The following RILPL1 variants were observed in gnomAD, a reference collection of about 807,000 sequenced individuals.
RILPL1 encodes Rab interacting lysosomal protein like 1.
Under a neutral mutation model 50.3 loss-of-function variants are expected in RILPL1, and 33 were observed. The observed-to-expected ratio is 0.66, with a 90% CI of 0.50 to 0.88. The LOEUF is 0.88. RILPL1 is among the 40% of genes least tolerant of loss of function. RILPL1 has a pLI of 0.00. For missense variants in RILPL1, 418 were observed against 542.5 expected (o/e 0.77, Z 2.28); for synonymous variants, 205 against 228.6 (o/e 0.90, Z 0.93).
intron 6 of RILPL1, among the ~76,000 whole-genome samples, chr12:123,477,392 G>A (rs1398216451): frequency 7.3e-6 from 1 of 137,112 alleles, no homozygotes; most frequent in Admixed American, 8.0e-5. Context: ...AGGCTGCAGT[G>A]TAGTGGCACA....
chr12:123,472,407 CTGTT>C lies in RILPL1; in HGVS notation c.*127_*130del. The C allele has an allele frequency of 2.2e-6, 2 of 914,504 alleles. No homozygotes were observed. The highest frequency in any genetic ancestry group is 1.6e-6 in the Non-Finnish European group (1 of 614,300). The allele number at this position is 914,504 out of a possible 1,614,324, so 56.6% of individuals were successfully genotyped here. Reference sequence around the variant, plus strand: ...AATGTCCATCCTCAAATCAGACAGTCTGTTTGAGGGGTCAGTTTTCAGGGTGCAT... The same window carrying C: ...AATGTCCATCCTCAAATCAGACAGTCTGAGGGGTCAGTTTTCAGGGTGCAT... On this transcript the variant is annotated 3_prime_UTR_variant, in exon 7 of 7. Transcript: ENST00000376874.
chr12:123,514,361 C>T (rs1430089295), intron 2 of RILPL1: 1 of 152,006 alleles, frequency 6.6e-6, no homozygotes, highest in Non-Finnish European at 1.5e-5. Flanking sequence ...GGTGCAGTCA[C>T]CTCAGGAAGG....
rs1173525716 is a variant in RILPL1, at chr12:123,511,706, ATC to A, written c.460+11787_460+11788del. Among the ~76,000 whole-genome samples, 5 of 37,600 alleles carry A rather than the reference ATC, an allele frequency of 1.3e-4. No homozygotes were observed. In the Admixed American group the frequency reaches 1.7e-3, roughly 13 times the overall value. 24.7% of individuals were successfully genotyped at this position (37,600 alleles called of 152,430 possible). ...GTGTGGTGTGTGTGTGTGGTGTGAG[ATC>A]TGTGTGTGTGTGAGGTTTGTGTGTG... On this transcript the variant is annotated intron_variant, in intron 2 of 6. Transcript: ENST00000376874.
intron 2 of RILPL1, among the ~76,000 whole-genome samples, chr12:123,507,643 G>A (rs1883831364): frequency 6.6e-6 from 1 of 151,634 alleles, no homozygotes; most frequent in Non-Finnish European, 1.5e-5. Context: ...TGATGGGAAT[G>A]TAAAATGGTA....
At chr12:123,472,766 G>T in intron 6 of RILPL1, 84 bp from the exon 7 acceptor site, 4 of 1,440,676 alleles carry the variant, frequency 2.8e-6, no homozygotes, top group Non-Finnish European at 3.8e-6. Flanking sequence ...GAGACATATA[G>T]CAGCAAACTT....
At chr12:123,527,957 C>T (rs916587180) in intron 1 of RILPL1, among the ~76,000 whole-genome samples, 1 of 152,116 alleles carries the variant, frequency 6.6e-6, no homozygotes, top group Non-Finnish European at 1.5e-5. Context: ...GAGCCATTTC[C>T]GACTTCTGAC....
chr12:123,492,755 T>C (rs904841239), intron 4 of RILPL1, among the ~76,000 whole-genome samples: 19 of 152,186 alleles, frequency 1.2e-4, no homozygotes, highest in Admixed American at 1.2e-3. Flanking sequence ...TGAGATTCTG[T>C]TAATCTATGA....
chr12:123,494,139 CCCAGCTGCGCGAAA>C (rs369317615), intron 4 of RILPL1, among the ~76,000 whole-genome samples: 18 of 152,292 alleles, frequency 1.2e-4, no homozygotes, highest in African/African-American at 4.3e-4. Flanking sequence ...ACTCCTCTCT[CCCAGCTGCGCGAAA>C]CAGTGAACCT....
intron 2 of RILPL1, among the ~76,000 whole-genome samples, chr12:123,519,034 G>T (rs2139378201): frequency 2.1e-5 from 3 of 140,594 alleles, no homozygotes; most frequent in East Asian, 2.0e-4. Context: ...TCCAGCCTAG[G>T]CGACAGAGTG....
intron 4 of RILPL1, among the ~76,000 whole-genome samples, chr12:123,486,824 G>A (rs907693839): frequency 5.3e-5 from 8 of 151,038 alleles, no homozygotes; most frequent in African/African-American, 1.7e-4. Context: ...TTTTTGAGAC[G>A]GAATCTCTCT....
At chr12:123,487,873 T>C (rs575047668) in intron 4 of RILPL1, among the ~76,000 whole-genome samples, 4 of 152,362 alleles carry the variant, frequency 2.6e-5, no homozygotes, top group Admixed American at 2.6e-4. Flanking sequence ...TGCTCTATTT[T>C]ACATTCCCAC....
intron 5 of RILPL1, 36 bp from the exon 6 acceptor site, chr12:123,484,308 A>G: frequency 2.9e-6 from 4 of 1,382,146 alleles, no homozygotes; most frequent in Non-Finnish European, 3.1e-6. Flanking sequence ...TAAAAGAGTC[A>G]AAAGTTCCTT....
chr12:123,486,119 C>A (rs1210795654), intron 4 of RILPL1, among the ~76,000 whole-genome samples: 2 of 152,170 alleles, frequency 1.3e-5, no homozygotes, highest in African/African-American at 4.8e-5. Flanking sequence ...ACCTCCCCTG[C>A]CCCCACCCTC....
At chr12:123,528,374 A>G (rs1331198428) in intron 1 of RILPL1, among the ~76,000 whole-genome samples, 1 of 151,146 alleles carries the variant, frequency 6.6e-6, no homozygotes, top group African/African-American at 2.4e-5. Context: ...AAAAAAAAAG[A>G]TAACACATTT....
rs188764645 is a variant in RILPL1 at position 123,499,593 on chromosome 12, T to A, written c.461-57A>T. 1.8e-4 allele frequency: 229 copies of A among 1,301,522 alleles called. 1 individual carries two copies. The African/African-American group carries it at 3.1e-3, about 18-fold the overall frequency. The allele number at this position is 1,301,522 out of a possible 1,614,324, so 80.6% of individuals were successfully genotyped here. ...CCGCCTTACTCCTATGTTGAAATCA[T>A]CCACCACTTCTGCTGAGGATGAAAC... On this transcript the variant is annotated intron_variant, in intron 2 of 6. Transcript: ENST00000376874.
chr12:123,505,876 C>T (rs186092997), intron 2 of RILPL1, among the ~76,000 whole-genome samples: 57 of 152,302 alleles, frequency 3.7e-4, no homozygotes, highest in Non-Finnish European at 1.5e-4. Context: ...CTTCCCACCT[C>T]GGCCTCCCGA....
intron 2 of RILPL1, among the ~76,000 whole-genome samples, chr12:123,512,167 CTG>C (rs1426820978): frequency 8.1e-5 from 4 of 49,452 alleles, no homozygotes; most frequent in Middle Eastern, 0.022. Flanking sequence ...TGTGTGAGGT[CTG>C]TGTGTGTGTG....
intron 2 of RILPL1, among the ~76,000 whole-genome samples, chr12:123,516,551 G>A (rs1020042412): frequency 6.6e-5 from 10 of 152,190 alleles, no homozygotes; most frequent in Non-Finnish European, 1.3e-4. Flanking sequence ...AGTCAGTTGC[G>A]TGGGAATCCC....
chr12:123,496,771 G>A (rs995684374), intron 4 of RILPL1, among the ~76,000 whole-genome samples: 4 of 152,210 alleles, frequency 2.6e-5, no homozygotes, highest in African/African-American at 9.7e-5. Context: ...AACAGACACC[G>A]CTAGTGCCCA....
Sources: gnomAD v4.1 joint callset for allele counts (sites outside exome capture counted in the v4.1 genomes callset) on GRCh38, gnomAD v4.1.1 for gene constraint, MANE v1.5 for transcripts, NCBI Gene and HGNC (gene_info 2026-07-23, HGNC 2026-07-21) for gene names.